DENND5B: variants seen among roughly 807,000 people sequenced by gnomAD.
DENND5B encodes the protein DENN domain-containing protein 5B.
A neutral mutation model predicts 140.6 loss-of-function variants in DENND5B; 34 were observed. The ratio of observed to expected loss-of-function variants is 0.24; its 90% CI spans 0.18 to 0.32. The LOEUF (loss-of-function observed/expected upper bound fraction) is 0.32, where lower values mean the gene tolerates loss of function less well. Among genes scored for constraint, DENND5B ranks in the 10% least tolerant of loss-of-function variants. The pLI, the probability that DENND5B is intolerant of heterozygous loss-of-function variation, is 1.00. For synonymous variants in DENND5B, 551 were observed against 562.1 expected (o/e 0.98, Z 0.28); for missense variants, 1,142 against 1,560.2 (o/e 0.73, Z 4.52).
chr12:31,421,662 G>C (rs1486002277), intron 11 of DENND5B, among the ~76,000 whole-genome samples: 1 of 152,090 alleles, frequency 6.6e-6, no homozygotes, highest in Admixed American at 6.6e-5. Flanking sequence ...CGATTCTCCT[G>C]ACTCAGTCTC....
intron 1 of DENND5B, among the ~76,000 whole-genome samples, chr12:31,533,915 G>C (rs73086463): frequency 6.7e-6 from 1 of 150,374 alleles, no homozygotes; most frequent in Non-Finnish European, 1.5e-5. Flanking sequence ...AACTTATGAA[G>C]ATTCAAGTCA....
Position 31,476,311 on chromosome 12 carries a change from T to C in DENND5B, c.904+3278A>G, listed in dbSNP as rs1945806063. Among the ~76,000 whole-genome samples the C allele has an allele frequency of 2.0e-5, 3 of 151,572 alleles. 1 individual carries two copies. Among genetic ancestry groups the C allele is most frequent in the South Asian group, 4.2e-4 (2 of 4,804 alleles). On this transcript the variant is annotated intron_variant, in intron 3 of 20. Coordinates refer to ENST00000389082, the MANE Select transcript of DENND5B (RefSeq NM_144973.4). ...GTTTTATGTTAAATGTAGTAATATG[T>C]TGAACCTTCACAACTTAGAGATAAG...
chr12:31,523,725 G>A (rs1245045078), intron 1 of DENND5B, among the ~76,000 whole-genome samples: 1 of 151,862 alleles, frequency 6.6e-6, no homozygotes, highest in Admixed American at 6.6e-5. Flanking sequence ...ATGAAAAAAA[G>A]AGTATATGAC....
chr12:31,443,905 A>G (rs1023433450), intron 6 of DENND5B: 1 of 152,228 alleles, frequency 6.6e-6, no homozygotes, highest in African/African-American at 2.4e-5. Context: ...TGAAGAATAA[A>G]ATAGGTGAAT....
Position 31,387,454 on chromosome 12 carries a change from T to G in DENND5B, c.*149A>C. 2.8e-6 allele frequency: 2 copies of G among 712,696 alleles called. No individual in the cohort carries two copies. Among genetic ancestry groups the G allele is most frequent in the Non-Finnish European group, 4.5e-6 (2 of 442,292 alleles). The allele number at this position is 712,696 out of a possible 1,614,324, so 44.1% of individuals were successfully genotyped here. A position where few individuals can be genotyped will look rare whatever the true frequency, so the allele number is the denominator to read the frequency against. The stretch of plus-strand genomic sequence containing the variant: ...GGTTCAAATGAACTACAATACAACA[T>G]TTTGCCTTGTCTGTAGAGTGAGGAT... On this transcript the variant is annotated 3_prime_UTR_variant, in exon 21 of 21. Transcript: ENST00000389082.
rs527606169 is a variant in DENND5B at position 31,591,031 on chromosome 12, G to C, written c.-199C>G. On this transcript the variant is annotated 5_prime_UTR_variant, in exon 1 of 21. Transcript: ENST00000389082. ...GGGAAGCGGCCGCGGGCTCGCGCGCGGCGGGTCCGGAGCCCGGCCGGGTGG... is the reference window on the plus strand; with the variant it reads ...GGGAAGCGGCCGCGGGCTCGCGCGCCGCGGGTCCGGAGCCCGGCCGGGTGG... 3.5e-5 allele frequency: 15 copies of C among 429,232 alleles called. No homozygotes were observed. The highest frequency in any genetic ancestry group is 3.3e-4 in the African/African-American group (15 of 46,114). 26.6% of individuals were successfully genotyped at this position (429,232 alleles called of 1,614,324 possible).
chr12:31,541,837 T>C (rs1212021549), intron 1 of DENND5B, among the ~76,000 whole-genome samples: 1 of 152,236 alleles, frequency 6.6e-6, no homozygotes, highest in Non-Finnish European at 1.5e-5. Context: ...GAAAATGTGG[T>C]ACTTATACAT....
At position 31,572,539 on chromosome 12, in the gene DENND5B, CAAAAAA is replaced by C. The variant is rs10531167; in HGVS notation, c.127+18161_127+18166del. On this transcript the variant is annotated intron_variant, in intron 1 of 20. Coordinates refer to ENST00000389082, the MANE Select transcript of DENND5B (RefSeq NM_144973.4). ...TTTTGTCACTAATTTTACTCTTTCT[CAAAAAA>C]AAAAAAAAAAAAAAACTCACGAGTT... Among the ~76,000 whole-genome samples the C allele has an allele frequency of 7.0e-3, 952 of 135,412 alleles. 5 individuals are homozygous for C. Among genetic ancestry groups the C allele is most frequent in the African/African-American group, 0.025 (898 of 36,434 alleles). The allele number at this position is 135,412 out of a possible 152,430, so 88.8% of individuals were successfully genotyped here. A position where few individuals can be genotyped will look rare whatever the true frequency, so the allele number is the denominator to read the frequency against.
chr12:31,460,778 T>C (rs1236476763), intron 3 of DENND5B, among the ~76,000 whole-genome samples: 7 of 152,190 alleles, frequency 4.6e-5, no homozygotes, highest in African/African-American at 4.8e-5. Flanking sequence ...CAAGCTGGAG[T>C]GCAATGGTGC....
At chr12:31,522,742 T>C (rs1204244305) in intron 1 of DENND5B, among the ~76,000 whole-genome samples, 1 of 152,204 alleles carries the variant, frequency 6.6e-6, no homozygotes, top group Admixed American at 6.5e-5. Flanking sequence ...ACGGCCTTTT[T>C]TAACCTTTAA....
chr12:31,468,612 G>A (rs1403166583), intron 3 of DENND5B, among the ~76,000 whole-genome samples: 1 of 151,528 alleles, frequency 6.6e-6, no homozygotes, highest in Non-Finnish European at 1.5e-5. Flanking sequence ...TTTGGGACTA[G>A]TCTAGGCAAC....
chr12:31,392,533 G>C (rs1941202085), intron 18 of DENND5B, 81 bp downstream of exon 18: 1 of 1,516,772 alleles, frequency 6.6e-7, no homozygotes, highest in Admixed American at 2.3e-5. Context: ...GAAAATTCAA[G>C]CACCCCATAT....
intron 5 of DENND5B, chr12:31,451,719 T>C (rs1944533136): frequency 3.7e-6 from 2 of 534,996 alleles, no homozygotes; most frequent in East Asian, 6.6e-5. Context: ...TTCAATGAGC[T>C]GGTTTATTTG....
chr12:31,421,218 T>C (rs1943007567), intron 11 of DENND5B, among the ~76,000 whole-genome samples: 1 of 152,028 alleles, frequency 6.6e-6, no homozygotes, highest in Admixed American at 6.6e-5. Context: ...CTAATTTTTG[T>C]ATTTTTAGTA....
chr12:31,418,282 C>CTTT (rs66507414), intron 11 of DENND5B, among the ~76,000 whole-genome samples: 22,458 of 132,948 alleles, frequency 0.17, 2,311 homozygotes, highest in East Asian at 0.25. Context: ...TTTTTCTTTT[C>CTTT]TTTTTTTTTT....
At chr12:31,465,608 C>G (rs935788516) in intron 3 of DENND5B, 1 of 152,252 alleles carries the variant, frequency 6.6e-6, no homozygotes, top group Non-Finnish European at 1.5e-5. Context: ...CTCAAGTAAT[C>G]CACCTGTCTC....
intron 8 of DENND5B, chr12:31,432,552 C>G (rs900715692): frequency 2.6e-5 from 4 of 152,036 alleles, no homozygotes; most frequent in Non-Finnish European, 2.9e-5. Context: ...ACTGCTTGAG[C>G]CCAGGAGTTC....
intron 7 of DENND5B, among the ~76,000 whole-genome samples, chr12:31,436,028 G>A (rs1211994428): frequency 2.0e-5 from 3 of 151,892 alleles, no homozygotes; most frequent in African/African-American, 4.8e-5. Context: ...GAACTCCTGA[G>A]CTTAATGCGA....
At chr12:31,421,978 T>TAATC (rs1943045034) in intron 11 of DENND5B, among the ~76,000 whole-genome samples, 1 of 152,224 alleles carries the variant, frequency 6.6e-6, no homozygotes, top group African/African-American at 2.4e-5. Context: ...GCATTCTGAT[T>TAATC]ACAGGAGCTC....
Sources: allele counts gnomAD v4.1 joint callset (sites outside exome capture counted in the v4.1 genomes callset), GRCh38; gene constraint gnomAD v4.1.1; transcripts MANE v1.5; gene names NCBI Gene and HGNC (gene_info 2026-07-23, HGNC 2026-07-21).